Variants in CDC42BPA observed in about 807,000 individuals in gnomAD.
CDC42BPA encodes the protein serine/threonine-protein kinase MRCK alpha.
Under a neutral mutation model 223.5 loss-of-function variants are expected in CDC42BPA, and 80 were observed. The ratio of observed to expected loss-of-function variants is 0.36; its 90% CI spans 0.30 to 0.43. The LOEUF (loss-of-function observed/expected upper bound fraction) is 0.43, where lower values mean the gene tolerates loss of function less well. Ranked by LOEUF, CDC42BPA falls within the 20% of genes least tolerant of loss-of-function variation. The probability of loss-of-function intolerance (pLI) is 1.00; values close to 1 mark genes in which losing one functional copy is unlikely to be tolerated. For missense variants in CDC42BPA, 1,743 were observed against 2,099.9 expected (o/e 0.83, Z 3.32); for synonymous variants, 694 against 718.6 (o/e 0.97, Z 0.55).
rs1189181812 is a variant in CDC42BPA at position 227,031,417 on chromosome 1, C to A, written c.3656G>T (p.Ser1219Ile). ...TTTCTTCAAAATCTTGTGCAATTCA[C>A]TCAGCACTCCCACCCACTTATTCTT... ...NEKNKWVGVL[S>I]ELHKILKKNK... The change falls in exon 28 of 37, where the codon AGT becomes ATT. Residue 1219 changes from serine to isoleucine, a missense_variant. Physicochemically the swap from Ser to Ile is moderately radical, Grantham distance 142. Around this residue, in one of 6 missense-constraint regions of CDC42BPA, gnomAD observed 678 missense variants for 777.5 expected, o/e 0.87. Coordinates refer to ENST00000366766, the MANE Select transcript of CDC42BPA (RefSeq NM_001394014.1). 2.5e-6 allele frequency: 4 copies of A among 1,614,046 alleles called. No homozygotes were observed. The South Asian group carries it at 4.4e-5, about 18-fold the overall frequency.
At chr1:227,277,180 TTTAAAA>T (rs535209043) in intron 1 of CDC42BPA, among the ~76,000 whole-genome samples, 2 of 151,628 alleles carry the variant, frequency 1.3e-5, no homozygotes, top group African/African-American at 4.8e-5. Context: ...GCCAATAAAC[TTTAAAA>T]TTAAAAGTGG....
At chr1:227,184,672 T>G (rs1395417292) in intron 5 of CDC42BPA, among the ~76,000 whole-genome samples, 2 of 152,154 alleles carry the variant, frequency 1.3e-5, no homozygotes, top group African/African-American at 4.8e-5. Context: ...CATATAAAAT[T>G]TAAAATAAGC....
intron 1 of CDC42BPA, among the ~76,000 whole-genome samples, chr1:227,297,779 GGGAAA>G (rs1690897307): frequency 6.6e-6 from 1 of 151,728 alleles, no homozygotes; most frequent in Non-Finnish European, 1.5e-5. Flanking sequence ...CCACAAACTG[GGGAAA>G]GGAGAGAATG....
chr1:227,072,600 C>A (rs959612303), intron 19 of CDC42BPA, among the ~76,000 whole-genome samples: 1 of 151,788 alleles, frequency 6.6e-6, no homozygotes, highest in African/African-American at 2.4e-5. Flanking sequence ...ACTAAATGAA[C>A]CTTTACAGAA....
At chr1:227,182,620 G>C (rs555368207) in intron 5 of CDC42BPA, among the ~76,000 whole-genome samples, 2 of 152,296 alleles carry the variant, frequency 1.3e-5, no homozygotes, top group South Asian at 2.1e-4. Flanking sequence ...ATTAGTGTTA[G>C]ACTAGACCTT....
At chr1:227,026,502 T>C (rs925379726) in intron 30 of CDC42BPA, among the ~76,000 whole-genome samples, 1 of 152,172 alleles carries the variant, frequency 6.6e-6, no homozygotes, top group Non-Finnish European at 1.5e-5. Flanking sequence ...GAATCAAACT[T>C]AGAAAGCAGA....
intron 15 of CDC42BPA, among the ~76,000 whole-genome samples, chr1:227,097,208 A>C (rs1572786358): frequency 6.6e-6 from 1 of 152,086 alleles, no homozygotes; most frequent in Non-Finnish European, 1.5e-5. Context: ...AAAGTACAAT[A>C]GTTTTACCTC....
At chr1:227,236,983 C>T (rs749797238) in intron 2 of CDC42BPA, among the ~76,000 whole-genome samples, 1 of 135,982 alleles carries the variant, frequency 7.4e-6, no homozygotes, top group Non-Finnish European at 1.5e-5. Context: ...GTCGAGGCTA[C>T]AGTGAGCTGT....
At chr1:227,308,509 C>CAA (rs34849679) in intron 1 of CDC42BPA, among the ~76,000 whole-genome samples, 20,041 of 89,370 alleles carry the variant, frequency 0.22, 1,952 homozygotes, top group East Asian at 0.28. Flanking sequence ...GACTGTATCT[C>CAA]AAAAAAAAAA....
chr1:227,291,048 A>C (rs1689604909), intron 1 of CDC42BPA, among the ~76,000 whole-genome samples: 1 of 152,146 alleles, frequency 6.6e-6, no homozygotes, highest in Admixed American at 6.5e-5. Context: ...CATATACCTC[A>C]ATAATCTTAT....
chr1:227,032,956 G>C (rs1191715139), intron 27 of CDC42BPA, among the ~76,000 whole-genome samples: 1 of 152,194 alleles, frequency 6.6e-6, no homozygotes, highest in African/African-American at 2.4e-5. Flanking sequence ...TTTTGGAATG[G>C]CTGTTACAAA....
At chr1:227,128,983 T>C in intron 11 of CDC42BPA, 126 bp downstream of exon 11, 1 of 674,974 alleles carries the variant, frequency 1.5e-6, no homozygotes, top group South Asian at 2.0e-5. Flanking sequence ...TTATTTGCCC[T>C]TCCCTGACTA....
intron 19 of CDC42BPA, among the ~76,000 whole-genome samples, chr1:227,072,505 T>C (rs1678600794): frequency 6.6e-6 from 1 of 151,994 alleles, no homozygotes. Context: ...ATCTCATTCA[T>C]TTAAGTATTG....
chr1:227,213,312 AC>A, intron 2 of CDC42BPA, 93 bp from the exon 3 acceptor site: 1 of 616,074 alleles, frequency 1.6e-6, no homozygotes, highest in Non-Finnish European at 2.8e-6. Context: ...AAAAATAAAT[AC>A]CAATTATCAA....
intron 21 of CDC42BPA, among the ~76,000 whole-genome samples, chr1:227,064,086 G>C (rs1161910344): frequency 6.6e-6 from 1 of 152,064 alleles, no homozygotes; most frequent in African/African-American, 2.4e-5. Flanking sequence ...CAATATTAGG[G>C]GGACCAGACT....
chr1:227,085,755 CAA>C, intron 16 of CDC42BPA, among the ~76,000 whole-genome samples: 1 of 152,318 alleles, frequency 6.6e-6, no homozygotes, highest in Admixed American at 6.5e-5. Context: ...CTATTGCAAA[CAA>C]GAGATTTAAG....
intron 23 of CDC42BPA, among the ~76,000 whole-genome samples, chr1:227,046,664 C>T (rs1468727553): frequency 6.6e-6 from 1 of 152,160 alleles, no homozygotes; most frequent in Non-Finnish European, 1.5e-5. Flanking sequence ...TCCTGCTTCA[C>T]TCTTGCCTCT....
At chr1:227,023,222 T>A (rs1427687583) in intron 32 of CDC42BPA, 41 bp downstream of exon 32, 1 of 971,678 alleles carries the variant, frequency 1.0e-6, no homozygotes, top group Non-Finnish European at 1.6e-6. Flanking sequence ...GAAATAATAT[T>A]TCCAATGAAG....
rs1680201488 is a variant in CDC42BPA at position 227,242,550 on chromosome 1, T to C, written c.270+11514A>G. 2.6e-5 allele frequency among the ~76,000 whole-genome samples: 4 copies of C among 151,990 alleles called. No individual in the cohort carries two copies. In the South Asian group the frequency reaches 8.3e-4, roughly 31 times the overall value. ...CTAGAAGAAGTTAATATAATCAAGT[T>C]CCTTAAATAAAAGATTAATATTTTT... On this transcript the variant is annotated intron_variant, in intron 2 of 36. Coordinates refer to ENST00000366766, the MANE Select transcript of CDC42BPA (RefSeq NM_001394014.1).
Sources: allele counts gnomAD v4.1 joint callset (sites outside exome capture counted in the v4.1 genomes callset), GRCh38; gene constraint gnomAD v4.1.1; regional missense constraint gnomAD v4.1.1; transcripts MANE v1.5; gene names NCBI Gene and HGNC (gene_info 2026-07-23, HGNC 2026-07-21).